The following MIB1 variants were observed in gnomAD, a reference collection of about 807,000 sequenced individuals.
MIB1 encodes the protein MIB E3 ubiquitin protein ligase 1.
In MIB1, 278 loss-of-function variants were observed where a neutral mutation model predicts 124.5. The ratio of observed to expected loss-of-function variants is 2.23; its 90% CI spans 2.02 to 2.47. The LOEUF (loss-of-function observed/expected upper bound fraction) is 2.47, where lower values mean the gene tolerates loss of function less well. MIB1 is among the 30% of genes most tolerant of loss of function. The pLI is 0.00. For synonymous variants in MIB1, 446 were observed against 429.4 expected (o/e 1.04, Z -0.48); for missense variants, 957 against 1,254.4 (o/e 0.76, Z 3.58).
At chr18:21,825,504 T>C in intron 12 of MIB1, 1 of 281,744 alleles carries the variant, frequency 3.5e-6, no homozygotes, top group Non-Finnish European at 7.0e-6. Context: ...AATTTTTATT[T>C]GAAATCCTTA....
intron 6 of MIB1, among the ~76,000 whole-genome samples, chr18:21,786,256 C>T (rs865932579): frequency 6.6e-6 from 1 of 152,124 alleles, no homozygotes; most frequent in Admixed American, 6.5e-5. Context: ...GCCACGACAC[C>T]TGGCTAATTT....
chr18:21,706,803 C>T (rs371499137), intron 1 of MIB1, among the ~76,000 whole-genome samples: 34 of 152,324 alleles, frequency 2.2e-4, no homozygotes, highest in East Asian at 1.2e-3. Flanking sequence ...CCGCACCCCC[C>T]GCCCCACTGT....
intron 1 of MIB1, among the ~76,000 whole-genome samples, chr18:21,752,514 A>C (rs907485861): frequency 2.6e-5 from 4 of 152,246 alleles, no homozygotes; most frequent in African/African-American, 7.2e-5. Context: ...GCTTTGAAAA[A>C]GCTAATAACT....
At chr18:21,779,724 A>T (rs1315970364) in intron 6 of MIB1, 39 bp downstream of exon 6, 1 of 1,507,850 alleles carries the variant, frequency 6.6e-7, no homozygotes, top group Non-Finnish European at 9.2e-7. Flanking sequence ...TGACAAATAA[A>T]ACTAATATAG....
In MIB1 at chr18:21,791,443, A is replaced by G. The variant is rs1228212672; in HGVS notation, c.978A>G (p.Ala326=). 24 of 1,614,110 alleles carry G rather than the reference A, an allele frequency of 1.5e-5. No individual in the cohort carries two copies. In the East Asian group the frequency reaches 5.1e-4, roughly 34 times the overall value. Residue 326 remains alanine, a synonymous_variant, in exon 7 of 21, where the codon GCA becomes GCG. Coordinates refer to ENST00000261537, the MANE Select transcript of MIB1 (RefSeq NM_020774.4). The part of the protein sequence containing the change: ...IVRSGDAAQG[A]EGGTSQFQVG... The stretch of plus-strand genomic sequence containing the variant: ...GAAGTGGAGATGCTGCTCAGGGTGC[A>G]GAAGGAGGCACCTCGCAGTTTCAAG...
At chr18:21,855,611 T>C (rs2042219304) in intron 18 of MIB1, among the ~76,000 whole-genome samples, 2 of 152,208 alleles carry the variant, frequency 1.3e-5, no homozygotes. Context: ...CAGACCCATT[T>C]ATGTTTAGGC....
intron 17 of MIB1, among the ~76,000 whole-genome samples, 180 bp from the exon 18 acceptor site, chr18:21,852,960 A>G (rs556414953): frequency 6.6e-6 from 1 of 152,336 alleles, no homozygotes; most frequent in East Asian, 1.9e-4. Flanking sequence ...AAGCTAGGGT[A>G]TATAAAGATG....
chr18:21,735,608 A>C (rs1050180013), intron 1 of MIB1, among the ~76,000 whole-genome samples: 1 of 152,164 alleles, frequency 6.6e-6, no homozygotes, highest in Non-Finnish European at 1.5e-5. Context: ...AGAGCCCAGC[A>C]AGCTAAGATC....
Position 21,765,773 on chromosome 18 carries a change from C to T in MIB1, c.231C>T (p.Gly77=), listed in dbSNP as rs2041150099. Residue 77 remains glycine, a splice_region_variant and synonymous_variant, in exon 2 of 21, where the codon GGC becomes GGT. Transcript: ENST00000261537. ...DLRILDSAPT[G]IKHDGTMCDT... ...GAGCATGTGTCCTTGTTTTAATAGG[C>T]ATCAAGCATGATGGAACCATGTGTG... 1 of 1,613,142 alleles carries T rather than the reference C, an allele frequency of 6.2e-7. No homozygotes were observed. Among genetic ancestry groups the T allele is most frequent in the Admixed American group, 1.7e-5 (1 of 59,926 alleles).
At chr18:21,723,728 C>T (rs1211843703) in intron 1 of MIB1, among the ~76,000 whole-genome samples, 1 of 152,170 alleles carries the variant, frequency 6.6e-6, no homozygotes, top group East Asian at 1.9e-4. Flanking sequence ...GTTGGTCAGG[C>T]TGGTCTCGAA....
chr18:21,804,613 TCTTA>T (rs1248504794), intron 10 of MIB1, among the ~76,000 whole-genome samples: 1 of 152,244 alleles, frequency 6.6e-6, no homozygotes, highest in Non-Finnish European at 1.5e-5. Context: ...TCTTGCTTTG[TCTTA>T]CTTAACTACT....
At chr18:21,718,958 G>A (rs1160061116) in intron 1 of MIB1, among the ~76,000 whole-genome samples, 1 of 152,122 alleles carries the variant, frequency 6.6e-6, no homozygotes, top group Non-Finnish European at 1.5e-5. Flanking sequence ...GGAGGCCAAG[G>A]TGGGTGGATC....
intron 17 of MIB1, among the ~76,000 whole-genome samples, chr18:21,852,924 AG>A (rs751985336): frequency 7.0e-4 from 106 of 152,302 alleles, no homozygotes; most frequent in Non-Finnish European, 1.3e-3. Flanking sequence ...AGGGAGATGA[AG>A]GTAGAATAGA....
At chr18:21,718,188 T>C (rs2040698129) in intron 1 of MIB1, among the ~76,000 whole-genome samples, 1 of 151,890 alleles carries the variant, frequency 6.6e-6, no homozygotes. Flanking sequence ...AGCTAAGCTA[T>C]GAGGATGCAA....
chr18:21,773,984 A>G (rs2041252196), intron 4 of MIB1, among the ~76,000 whole-genome samples: 5 of 152,210 alleles, frequency 3.3e-5, no homozygotes, highest in Admixed American at 2.6e-4. Flanking sequence ...AAATCTATCA[A>G]AAAGATTGGG....
chr18:21,808,868 A>G (rs958722643), intron 10 of MIB1, among the ~76,000 whole-genome samples: 4 of 152,052 alleles, frequency 2.6e-5, no homozygotes, highest in African/African-American at 9.7e-5. Context: ...TGTCTTTATT[A>G]TGAGTTTCCA....
intron 1 of MIB1, among the ~76,000 whole-genome samples, chr18:21,711,799 T>C (rs1279888714): frequency 6.6e-6 from 1 of 152,136 alleles, no homozygotes; most frequent in Non-Finnish European, 1.5e-5. Context: ...GCTCAAGTCA[T>C]CCTCCTGCCT....
intron 17 of MIB1, among the ~76,000 whole-genome samples, chr18:21,850,289 G>A (rs1235679086): frequency 1.3e-5 from 2 of 152,092 alleles, no homozygotes; most frequent in Non-Finnish European, 2.9e-5. Flanking sequence ...TTCTCTCAAG[G>A]TGAATAGTTT....
intron 20 of MIB1, 65 bp from the exon 21 acceptor site, chr18:21,864,461 A>G (rs1468851812): frequency 1.5e-6 from 2 of 1,295,474 alleles, no homozygotes; most frequent in Admixed American, 1.8e-5. Context: ...TTAATGATAT[A>G]TAACAGTCTG....
Sources: gnomAD v4.1 joint callset for allele counts (sites outside exome capture counted in the v4.1 genomes callset) on GRCh38, gnomAD v4.1.1 for gene constraint, MANE v1.5 for transcripts, NCBI Gene and HGNC (gene_info 2026-07-23, HGNC 2026-07-21) for gene names.